Variants in UQCRC1 observed in about 807,000 individuals in gnomAD.
UQCRC1 encodes ubiquinol-cytochrome c reductase core protein 1.
A neutral mutation model predicts 58.0 loss-of-function variants in UQCRC1; 34 were observed. The observed-to-expected ratio is 0.59, with a 90% CI of 0.45 to 0.78. The LOEUF (loss-of-function observed/expected upper bound fraction) is 0.78. Among genes scored for constraint, UQCRC1 ranks in the 30% least tolerant of loss-of-function variants. The pLI is 0.00. For synonymous variants in UQCRC1, 276 were observed against 248.8 expected (o/e 1.11, Z -1.03); for missense variants, 610 against 646.0 (o/e 0.94, Z 0.60).
chr3:48,604,517 G>T, intron 4 of UQCRC1, 86 bp from the exon 5 acceptor site: 1 of 1,584,266 alleles, frequency 6.3e-7, no homozygotes, highest in South Asian at 1.1e-5. Context: ...GGCATCTCCT[G>T]CTGCCCACCC....
intron 5 of UQCRC1, 98 bp downstream of exon 5, chr3:48,604,134 AT>A (rs1483955364): frequency 1.5e-6 from 2 of 1,353,456 alleles, no homozygotes. Context: ...ACTCAGGAAA[AT>A]AACCCCGACA....
intron 2 of UQCRC1, among the ~76,000 whole-genome samples, chr3:48,608,895 T>G (rs189366964): frequency 1.3e-5 from 2 of 152,216 alleles, no homozygotes; most frequent in Non-Finnish European, 2.9e-5. Context: ...TTCCCTTATA[T>G]GGGCTCCTTA....
Position 48,600,679 on chromosome 3 carries a change from C to A in UQCRC1, c.1127+1G>T, listed in dbSNP as rs2046355847. 1 of 1,614,052 alleles carries A rather than the reference C, an allele frequency of 6.2e-7. No individual in the cohort carries two copies. Among genetic ancestry groups the A allele is most frequent in the Non-Finnish European group, 8.5e-7 (1 of 1,180,036 alleles). ...CCTAGGAATACCAGGCTGCCACTTA[C>A]CACTGCCCTTGCAGGACGAACATCA... On this transcript the variant is annotated splice_donor_variant, in intron 9 of 12. Transcript: ENST00000203407. LOFTEE classifies it high-confidence loss of function.
rs538962016 is a variant in UQCRC1 at position 48,608,964 on chromosome 3, G to A, written c.210+198C>T. On this transcript the variant is annotated intron_variant, in intron 2 of 12. Coordinates refer to ENST00000203407, the MANE Select transcript of UQCRC1 (RefSeq NM_003365.3). ...TAACGGGCATTATATGCTAAATAAT[G>A]TTGGCTTATAGTGAAGATTGTCCCG... 2.0e-5 allele frequency among the ~76,000 whole-genome samples: 3 copies of A among 152,320 alleles called. No homozygotes were observed. The East Asian group carries it at 5.8e-4, about 29-fold the overall frequency.
intron 6 of UQCRC1, among the ~76,000 whole-genome samples, chr3:48,601,744 G>A (rs1048229076): frequency 2.0e-5 from 3 of 152,196 alleles, no homozygotes; most frequent in African/African-American, 7.2e-5. Context: ...ATCCAAGTGT[G>A]GGTTCTCACT....
chr3:48,601,065 C>A lies in UQCRC1; in HGVS notation c.876G>T (p.Glu292Asp). 6.2e-7 allele frequency: 1 copy of A among 1,609,882 alleles called. No homozygotes were observed. Among genetic ancestry groups the A allele is most frequent in the Non-Finnish European group, 8.5e-7 (1 of 1,176,532 alleles). ...TGTCCGGGCTGGCCCAGCCAGGACC[C>A]TCTACTGCAATGGCCACGTGGGCAA... ...LPFAHVAIAV[E>D]GPGWASPDNV... is the part of the protein sequence containing the mutation. Residue 292 changes from glutamate to aspartate, a missense_variant, in exon 8 of 13, where the codon GAG becomes GAT. Coordinates refer to ENST00000203407, the MANE Select transcript of UQCRC1 (RefSeq NM_003365.3).
In UQCRC1 at chr3:48,604,663, C is replaced by T. The variant is rs1421763604; in HGVS notation, c.415G>A (p.Asp139Asn). Reference protein sequence around the residue: ...TAYYIKALSKDLPKAVELLGD... With the variant: ...TAYYIKALSKNLPKAVELLGD... ...CTCCAGGTGTTACCTTTCGGCAGAT[C>T]CTTGGACAGCGCCTTGATGTAGTAA... is the stretch of plus-strand genomic sequence containing the variant. The change falls in exon 4 of 13, where the codon GAT (aspartate) becomes AAT (asparagine). Residue 139 changes from aspartate (D) to asparagine (N), a missense_variant. Coordinates refer to ENST00000203407, the MANE Select transcript of UQCRC1 (RefSeq NM_003365.3). 6.2e-7 allele frequency: 1 copy of T among 1,614,078 alleles called. No individual in the cohort carries two copies. The highest frequency in any genetic ancestry group is 1.3e-5 in the African/African-American group (1 of 74,934).
chr3:48,606,751 AAAAAAAT>A (rs2046416394), intron 2 of UQCRC1, among the ~76,000 whole-genome samples: 1 of 152,122 alleles, frequency 6.6e-6, no homozygotes, highest in Non-Finnish European at 1.5e-5. Context: ...CAAAAAAAAA[AAAAAAAT>A]GTAAAAGAAA....
chr3:48,605,810 T>G lies in UQCRC1; in HGVS notation c.257A>C (p.Asn86Thr), dbSNP rs1309289336. The G allele has an allele frequency of 6.2e-7, 1 of 1,614,032 alleles. No homozygotes were observed. Among genetic ancestry groups the G allele is most frequent in the Non-Finnish European group, 8.5e-7 (1 of 1,179,960 alleles). ...DVGSRFETEK[N>T]NGAGYFLEHL... ...CTCCAAAAAGTAGCCTGCCCCATTA[T>G]TCTTCTCAGTCTCAAAACGGCTGCC... is the stretch of plus-strand genomic sequence containing the variant. The change falls in exon 3 of 13, where the codon AAT (asparagine) becomes ACT (threonine). Residue 86 changes from asparagine to threonine, a missense_variant. Coordinates refer to ENST00000203407, the MANE Select transcript of UQCRC1 (RefSeq NM_003365.3).
In UQCRC1 at chr3:48,609,220, C is replaced by G. The variant is rs753056415; in HGVS notation, c.152G>C (p.Ser51Thr). ...ALQFVPETQV[S>T]LLDNGLRVAS... ...CACACGCAGGCCGTTGTCCAGCAGG[C>G]TAACCTGCGTCTCCGGCACGAACTG... Residue 51 changes from serine (S) to threonine (T), a missense_variant, in exon 2 of 13, where the codon AGC (serine) becomes ACC (threonine). Ser to Thr is a moderately conservative substitution (Grantham distance 58). Transcript: ENST00000203407. 3 of 1,613,090 alleles carry G rather than the reference C, an allele frequency of 1.9e-6. No individual in the cohort carries two copies. In the South Asian group the frequency reaches 3.3e-5, roughly 18 times the overall value.
intron 2 of UQCRC1, among the ~76,000 whole-genome samples, chr3:48,607,257 G>A (rs2046422748): frequency 6.6e-6 from 1 of 152,204 alleles, no homozygotes; most frequent in African/African-American, 2.4e-5. Context: ...TAGCCAGGAT[G>A]GTCTCAATCT....
At chr3:48,600,901 CA>C in intron 8 of UQCRC1, 61 bp from the exon 9 acceptor site, 1 of 1,610,396 alleles carries the variant, frequency 6.2e-7, no homozygotes, top group South Asian at 1.1e-5. Flanking sequence ...CTGTGACCCC[CA>C]CGCACAGGAG....
Position 48,609,617 on chromosome 3 carries a change from C to A in UQCRC1, c.4G>T (p.Ala2Ser), listed in dbSNP as rs1447929902. The A allele has an allele frequency of 6.4e-7, 1 of 1,567,722 alleles. No individual in the cohort carries two copies. Among genetic ancestry groups the A allele is most frequent in the South Asian group, 1.2e-5 (1 of 86,466 alleles). Residue 2 changes from alanine (A) to serine (S), a missense_variant, in exon 1 of 13, where the codon GCG becomes TCG. Ala to Ser is a moderately conservative substitution (Grantham distance 99). Transcript: ENST00000203407. The stretch of plus-strand genomic sequence containing the variant: ...GCGGCCCGACAGACCACGGACGCCG[C>A]CATCTTCCAGCTGCAGTCGGCCCTG... M[A>S]ASVVCRAATA...
rs1395011876 is a variant in UQCRC1, at chr3:48,605,761, G to C, written c.297+9C>G. On this transcript the variant is annotated intron_variant, in intron 3 of 12. Coordinates refer to ENST00000203407, the MANE Select transcript of UQCRC1 (RefSeq NM_003365.3). ...TAAGCCCAGAGGAGACAGACTTTAAGAGCCTCACCTTGAAAGCCAGATGCT... is the reference window on the plus strand; with the variant it reads ...TAAGCCCAGAGGAGACAGACTTTAACAGCCTCACCTTGAAAGCCAGATGCT... 6.2e-7 allele frequency: 1 copy of C among 1,613,058 alleles called. No homozygotes were observed. The highest frequency in any genetic ancestry group is 1.3e-5 in the African/African-American group (1 of 74,856).
chr3:48,600,904 G>A (rs2046358686), intron 8 of UQCRC1, 64 bp from the exon 9 acceptor site: 4 of 1,609,346 alleles, frequency 2.5e-6, no homozygotes, highest in East Asian at 4.5e-5. Flanking sequence ...TGACCCCCAC[G>A]CACAGGAGCA....
intron 9 of UQCRC1, 35 bp downstream of exon 9, chr3:48,600,645 G>A (rs778046409): frequency 2.9e-5 from 47 of 1,613,758 alleles, no homozygotes; most frequent in Non-Finnish European, 3.1e-5. Flanking sequence ...GGTTAAAGCC[G>A]CCATCCCACC....
At chr3:48,602,883 T>C in intron 6 of UQCRC1, among the ~76,000 whole-genome samples, 1 of 151,986 alleles carries the variant, frequency 6.6e-6, no homozygotes, top group Non-Finnish European at 1.5e-5. Context: ...CCAGGTTCCA[T>C]CTATAAAACC....
chr3:48,609,419 C>T lies in UQCRC1; in HGVS notation c.70-117G>A, dbSNP rs112140644. Reference sequence around the variant, plus strand: ...AGGCAAGCGGCGAGATACCTTTCCCCGCCCTCCGCCGTGACCTTCCCACGG... The same window carrying T: ...AGGCAAGCGGCGAGATACCTTTCCCTGCCCTCCGCCGTGACCTTCCCACGG... On this transcript the variant is annotated intron_variant, in intron 1 of 12. Transcript: ENST00000203407. The T allele has an allele frequency of 1.8e-5, 27 of 1,509,432 alleles. 1 individual carries two copies. The African/African-American group carries it at 1.9e-4, about 11-fold the overall frequency. 93.5% of individuals were successfully genotyped at this position (1,509,432 alleles called of 1,614,324 possible). A position where few individuals can be genotyped will look rare whatever the true frequency, so the allele number is the denominator to read the frequency against.
At chr3:48,604,899 T>G in intron 3 of UQCRC1, 119 bp from the exon 4 acceptor site, 1 of 1,399,758 alleles carries the variant, frequency 7.1e-7, no homozygotes, top group Non-Finnish European at 9.7e-7. Flanking sequence ...CAGCATAGAC[T>G]CTGGGGACAC....
Sources: allele counts gnomAD v4.1 joint callset (sites outside exome capture counted in the v4.1 genomes callset), GRCh38; gene constraint gnomAD v4.1.1; transcripts MANE v1.5; gene names NCBI Gene and HGNC (gene_info 2026-07-23, HGNC 2026-07-21).